PTK2: variants seen among roughly 807,000 people sequenced by gnomAD.
The protein encoded by PTK2 is protein tyrosine kinase 2, also known as focal adhesion kinase 1.
Under a neutral mutation model 150.1 loss-of-function variants are expected in PTK2, and 45 were observed. That is an observed-to-expected ratio of 0.30 (90% CI 0.24 to 0.38). PTK2 has a LOEUF of 0.38. Ranked by LOEUF, PTK2 falls within the 10% of genes least tolerant of loss-of-function variation. The probability of loss-of-function intolerance (pLI) is 1.00; values close to 1 mark genes in which losing one functional copy is unlikely to be tolerated. For synonymous variants in PTK2, 432 were observed against 449.2 expected (o/e 0.96, Z 0.48); for missense variants, 919 against 1,307.3 (o/e 0.70, Z 4.58).
intron 1 of PTK2, among the ~76,000 whole-genome samples, chr8:140,999,630 T>G (rs1407692536): frequency 6.6e-6 from 1 of 152,266 alleles, no homozygotes; most frequent in Non-Finnish European, 1.5e-5. Flanking sequence ...TTTACTTTTA[T>G]GTGTCTTGTA....
chr8:140,795,460 A>ACC (rs1484190335), intron 12 of PTK2, among the ~76,000 whole-genome samples: 1 of 151,022 alleles, frequency 6.6e-6, no homozygotes, highest in Non-Finnish European at 1.5e-5. Context: ...TCTGTTTTCC[A>ACC]CCCCTTCAGG....
rs374776985 is a variant in PTK2 at position 140,872,234 on chromosome 8, G to A, written c.362+7237C>T. On this transcript the variant is annotated intron_variant, in intron 4 of 31. Coordinates refer to ENST00000522684, the Ensembl canonical transcript of PTK2. ...TAATTTTTGTACTTTTGGTAGCGAC[G>A]GGGTTTCACCATGTTGGCCAGGCTG... Among the ~76,000 whole-genome samples the A allele has an allele frequency of 1.1e-4, 16 of 151,834 alleles. No homozygotes were observed. In the East Asian group the frequency reaches 1.2e-3, roughly 11 times the overall value.
At chr8:140,808,917 G>C (rs1046106946) in intron 10 of PTK2, among the ~76,000 whole-genome samples, 4 of 152,008 alleles carry the variant, frequency 2.6e-5, no homozygotes, top group Non-Finnish European at 5.9e-5. Context: ...ATTTTTAGTA[G>C]AGACGGGGTT....
chr8:140,968,910 T>A (rs1356353468), intron 1 of PTK2, among the ~76,000 whole-genome samples: 1 of 152,224 alleles, frequency 6.6e-6, no homozygotes, highest in African/African-American at 2.4e-5. Flanking sequence ...AAGAGGTAAC[T>A]GATCAGGGAC....
intron 12 of PTK2, among the ~76,000 whole-genome samples, chr8:140,794,994 T>C (rs1321089983): frequency 6.6e-6 from 1 of 152,166 alleles, no homozygotes; most frequent in African/African-American, 2.4e-5. Context: ...CCAGCAGTCA[T>C]CACAGGGCCT....
intron 7 of PTK2, among the ~76,000 whole-genome samples, chr8:140,844,168 T>C (rs1169710896): frequency 6.6e-6 from 1 of 152,210 alleles, no homozygotes; most frequent in East Asian, 1.9e-4. Context: ...TCTCAACACA[T>C]TACATTATGG....
intron 2 of PTK2, chr8:140,892,458 C>T: frequency 4.0e-6 from 1 of 249,996 alleles, no homozygotes; most frequent in Non-Finnish European, 8.0e-6. Context: ...ATCACTTGAG[C>T]CCAAGAGGGG....
At chr8:140,997,037 A>G (rs2100198046) in intron 1 of PTK2, among the ~76,000 whole-genome samples, 1 of 152,234 alleles carries the variant, frequency 6.6e-6, no homozygotes, top group Non-Finnish European at 1.5e-5. Context: ...GGAGGAGGTG[A>G]AAATAGCATT....
chr8:140,659,404 G>C (rs2076165852), exon 32 of PTK2: 3 of 1,453,524 alleles, frequency 2.1e-6, no homozygotes, highest in African/African-American at 2.8e-5. Flanking sequence ...ATTCCTCGCT[G>C]CTGGTGGAAG....
intron 13 of PTK2, among the ~76,000 whole-genome samples, chr8:140,792,324 A>G (rs2100088974): frequency 6.6e-6 from 1 of 152,236 alleles, no homozygotes; most frequent in African/African-American, 2.4e-5. Context: ...CTAGGCACCA[A>G]GTCTCTAATG....
chr8:140,806,775 T>A (rs1317014555), intron 10 of PTK2, among the ~76,000 whole-genome samples: 1 of 152,172 alleles, frequency 6.6e-6, no homozygotes, highest in East Asian at 1.9e-4. Context: ...ATAGAGATTT[T>A]AAAAAATTAT....
intron 3 of PTK2, among the ~76,000 whole-genome samples, chr8:140,888,321 A>G (rs936237367): frequency 1.3e-5 from 2 of 152,222 alleles, no homozygotes; most frequent in African/African-American, 4.8e-5. Context: ...AAAGCATTCA[A>G]TGGAAGTTGG....
In PTK2 at chr8:140,914,438, T is replaced by G. The variant is rs538793473; in HGVS notation, c.-33+11223A>C. On this transcript the variant is annotated intron_variant, in intron 2 of 31. Coordinates refer to ENST00000522684, the Ensembl canonical transcript of PTK2. ...TTTTGGGTTTTTTTTTTTTAATCTT[T>G]TATTTTAGGTTCAGGGGTACACATG... Among the ~76,000 whole-genome samples the G allele has an allele frequency of 3.3e-5, 5 of 152,174 alleles. No individual in the cohort carries two copies. The East Asian group carries it at 7.7e-4, about 23-fold the overall frequency.
intron 17 of PTK2, among the ~76,000 whole-genome samples, chr8:140,748,339 C>T (rs1255730600): frequency 6.6e-6 from 1 of 151,840 alleles, no homozygotes; most frequent in Non-Finnish European, 1.5e-5. Context: ...ACTAAAAATA[C>T]AGAATTAGCT....
At chr8:140,681,660 G>C (rs937408092) in intron 27 of PTK2, among the ~76,000 whole-genome samples, 8 of 151,164 alleles carry the variant, frequency 5.3e-5, no homozygotes, top group East Asian at 2.0e-4. Flanking sequence ...GCCTGTAGTC[G>C]CAGCTACTCG....
intron 29 of PTK2, among the ~76,000 whole-genome samples, chr8:140,672,528 C>T (rs1209278671): frequency 6.6e-6 from 1 of 152,138 alleles, no homozygotes; most frequent in Non-Finnish European, 1.5e-5. Flanking sequence ...GGGCACCAAC[C>T]CTAAGGGCAG....
chr8:140,940,564 C>CT (rs2100175344), intron 1 of PTK2: 2 of 152,226 alleles, frequency 1.3e-5, no homozygotes, highest in Non-Finnish European at 2.9e-5. Flanking sequence ...TGACCATGGT[C>CT]TACAGCCATG....
intron 2 of PTK2, among the ~76,000 whole-genome samples, chr8:140,918,824 T>C (rs1462938082): frequency 6.6e-6 from 1 of 152,248 alleles, no homozygotes; most frequent in Non-Finnish European, 1.5e-5. Context: ...GATTTGTATA[T>C]TCTTTGGATT....
chr8:141,000,267 C>CCAGTGAGGACTT lies in PTK2; in HGVS notation c.-122+846_-122+857dup, dbSNP rs1283497721. Among the ~76,000 whole-genome samples, 8 of 152,176 alleles carry CCAGTGAGGACTT rather than the reference C, an allele frequency of 5.3e-5. No individual in the cohort carries two copies. In the South Asian group the frequency reaches 1.0e-3, roughly 20 times the overall value. ...AGAAAACTTGGGAAGCACAATGACT[C>CCAGTGAGGACTT]CAGTGAGGACTTCAGTGAGGGCTCC... On this transcript the variant is annotated intron_variant, in intron 1 of 31. Coordinates refer to ENST00000522684, the Ensembl canonical transcript of PTK2.
Sources: allele counts gnomAD v4.1 joint callset (sites outside exome capture counted in the v4.1 genomes callset), GRCh38; gene constraint gnomAD v4.1.1; transcripts MANE v1.5; gene names NCBI Gene and HGNC (gene_info 2026-07-23, HGNC 2026-07-21).